Variants in LDB3 observed in about 807,000 individuals in gnomAD.
The protein encoded by LDB3 is LIM domain-binding protein 3.
LDB3 carries 49 observed loss-of-function variants against 69.0 expected under a neutral mutation model. The ratio of observed to expected loss-of-function variants is 0.71; its 90% CI spans 0.56 to 0.90. The LOEUF is 0.90. Ranked by LOEUF, LDB3 falls within the 40% of genes least tolerant of loss-of-function variation. The pLI is 0.00. For missense variants in LDB3, 928 were observed against 974.1 expected (o/e 0.95, Z 0.63); for synonymous variants, 387 against 396.2 (o/e 0.98, Z 0.28).
chr10:86,675,720 T>C (rs1057258647), intron 2 of LDB3, among the ~76,000 whole-genome samples: 3 of 152,204 alleles, frequency 2.0e-5, no homozygotes, highest in Non-Finnish European at 2.9e-5. Flanking sequence ...TTGATGGATG[T>C]GGAGGGATGG....
At chr10:86,692,133 C>G (rs1836684207) in intron 6 of LDB3, 68 bp downstream of exon 6, 16 of 1,569,606 alleles carry the variant, frequency 1.0e-5, no homozygotes, top group Non-Finnish European at 1.2e-5. Context: ...GACCTGGGCC[C>G]AGCACTGCAG....
At chr10:86,723,106 C>CA (rs898233429) in intron 12 of LDB3, among the ~76,000 whole-genome samples, 10 of 149,604 alleles carry the variant, frequency 6.7e-5, no homozygotes, top group African/African-American at 2.2e-4. Context: ...ATCTCTAAAA[C>CA]AAAAAAAAAT....
intron 5 of LDB3, among the ~76,000 whole-genome samples, chr10:86,686,797 A>C (rs1589633724): frequency 8.1e-6 from 1 of 122,792 alleles, no homozygotes; most frequent in African/African-American, 3.1e-5. Flanking sequence ...ACAAAGCGAG[A>C]CCCTGTATCA....
chr10:86,716,371 C>T lies in LDB3; in HGVS notation c.1276C>T (p.Pro426Ser), dbSNP rs1331329691. 6.2e-7 allele frequency: 1 copy of T among 1,610,380 alleles called. No homozygotes were observed. Among genetic ancestry groups the T allele is most frequent in the East Asian group, 2.2e-5 (1 of 44,818 alleles). Reference sequence around the variant, plus strand: ...CCCGTCCCCAGGGGCCAATTACAGTCCCACTCCCTACACCCCCTCCCCTGC... The same window carrying T: ...CCCGTCCCCAGGGGCCAATTACAGTTCCACTCCCTACACCCCCTCCCCTGC... Reference protein sequence around the residue: ...YSPSPGANYSPTPYTPSPAPA... With the variant: ...YSPSPGANYSSTPYTPSPAPA... The change falls in exon 10 of 14, where the codon CCC (proline) becomes TCC (serine). Residue 426 changes from proline to serine, a missense_variant. Transcript: ENST00000361373.
intron 5 of LDB3, among the ~76,000 whole-genome samples, chr10:86,691,604 A>G (rs1291792715): frequency 6.6e-6 from 1 of 152,046 alleles, no homozygotes; most frequent in Non-Finnish European, 1.5e-5. Context: ...AAGGGAATCT[A>G]GGGGTGGAAA....
chr10:86,718,771 C>T lies in LDB3; in HGVS notation c.1902C>T (p.Phe634=), dbSNP rs773904344. ...ALRQTWHTTC[F]VCAACKKPFG... ...GACAGACATGGCACACCACCTGCTT[C>T]GTCTGTGCGGCCTGCAAGAAGCCTT... Residue 634 remains phenylalanine (F), a synonymous_variant, in exon 12 of 14, where the codon TTC becomes TTT. Transcript: ENST00000361373. 52 of 1,614,062 alleles carry T rather than the reference C, an allele frequency of 3.2e-5. No individual in the cohort carries two copies. Among genetic ancestry groups the T allele is most frequent in the East Asian group, 8.9e-5 (4 of 44,886 alleles).
At chr10:86,694,232 C>T (rs527404542) in intron 7 of LDB3, among the ~76,000 whole-genome samples, 1 of 152,328 alleles carries the variant, frequency 6.6e-6, no homozygotes, top group South Asian at 2.1e-4. Context: ...GGTCCCCAGG[C>T]CTCATCCTTG....
intron 9 of LDB3, among the ~76,000 whole-genome samples, chr10:86,712,372 G>A (rs1846701871): frequency 6.6e-6 from 1 of 152,210 alleles, no homozygotes; most frequent in African/African-American, 2.4e-5. Flanking sequence ...AGTATTGCTG[G>A]AGGGAGGCAG....
chr10:86,713,326 A>C (rs1255987258), intron 9 of LDB3, among the ~76,000 whole-genome samples: 2 of 152,006 alleles, frequency 1.3e-5, no homozygotes, highest in African/African-American at 4.8e-5. Flanking sequence ...GACTCACTGC[A>C]ACCTCCACCT....
chr10:86,700,796 C>T (rs1846231342), intron 7 of LDB3, among the ~76,000 whole-genome samples: 1 of 152,232 alleles, frequency 6.6e-6, no homozygotes, highest in Non-Finnish European at 1.5e-5. Context: ...GGCCTGACCA[C>T]TTAGAAAGTA....
rs189787445 is a variant in LDB3 at position 86,699,172 on chromosome 10, T to C, written c.896+6601T>C. The C allele has an allele frequency of 6.2e-5, 77 of 1,238,304 alleles. No homozygotes were observed. The East Asian group carries it at 1.3e-3, about 22-fold the overall frequency. 76.7% of individuals were successfully genotyped at this position (1,238,304 alleles called of 1,614,324 possible). A position where few individuals can be genotyped will look rare whatever the true frequency, so the allele number is the denominator to read the frequency against. On this transcript the variant is annotated intron_variant, in intron 7 of 13. Transcript: ENST00000361373. This position sits in a 1 kb window ranked among gnomAD's most constrained non-coding sequence, Gnocchi z 4.9. The stretch of plus-strand genomic sequence containing the variant: ...CTGCCCCACCTGTTAGACAGGGGAA[T>C]GGTGAACACATTCCCTAACCCCTTT...
At chr10:86,674,506 A>ATCTTGGCCT in intron 2 of LDB3, among the ~76,000 whole-genome samples, 1 of 152,118 alleles carries the variant, frequency 6.6e-6, no homozygotes, top group African/African-American at 2.4e-5. Context: ...TGGCCTCCAA[A>ATCTTGGCCT]CACCTGCAGC....
chr10:86,705,723 T>C (rs896536449), intron 7 of LDB3, among the ~76,000 whole-genome samples: 1 of 152,226 alleles, frequency 6.6e-6, no homozygotes, highest in Admixed American at 6.5e-5. Context: ...TTACAAGGTC[T>C]TTCAGATCTG....
chr10:86,720,484 T>C (rs1484105254), intron 12 of LDB3, among the ~76,000 whole-genome samples: 1 of 152,064 alleles, frequency 6.6e-6, no homozygotes, highest in African/African-American at 2.4e-5. Flanking sequence ...CTTGGGTTCT[T>C]GTACTAGTGA....
intron 13 of LDB3, among the ~76,000 whole-genome samples, chr10:86,727,789 C>G (rs1310177703): frequency 6.6e-6 from 1 of 151,730 alleles, no homozygotes; most frequent in Non-Finnish European, 1.5e-5. Context: ...TGTGTCTTCA[C>G]ATGACATTCT....
chr10:86,716,199 A>C, intron 9 of LDB3, 128 bp from the exon 10 acceptor site: 1 of 1,145,530 alleles, frequency 8.7e-7, no homozygotes. Context: ...CAAGTCTCCC[A>C]AAAAAACTGA....
At chr10:86,684,817 C>T (rs960931996) in intron 5 of LDB3, among the ~76,000 whole-genome samples, 6 of 152,348 alleles carry the variant, frequency 3.9e-5, no homozygotes, top group African/African-American at 1.2e-4. Flanking sequence ...CACAGGCCCC[C>T]GACAGGGCTG....
rs1447064285 is a variant in LDB3 at position 86,699,229 on chromosome 10, C to T, written c.896+6658C>T. On this transcript the variant is annotated intron_variant, in intron 7 of 13. Coordinates refer to ENST00000361373, the MANE Select transcript of LDB3 (RefSeq NM_007078.3). This position sits in a 1 kb window ranked among gnomAD's most constrained non-coding sequence, Gnocchi z 4.9. The stretch of plus-strand genomic sequence containing the variant: ...CCCTCTCTTCTCTCTCTTTCTGTCT[C>T]TGTCTCTGTTTCTCTCTCTCTCTCT... 1 of 1,564,754 alleles carries T rather than the reference C, an allele frequency of 6.4e-7. No homozygotes were observed. Among genetic ancestry groups the T allele is most frequent in the Non-Finnish European group, 8.6e-7 (1 of 1,160,922 alleles).
intron 12 of LDB3, among the ~76,000 whole-genome samples, chr10:86,724,861 A>G (rs1847204416): frequency 1.3e-5 from 2 of 152,124 alleles, no homozygotes; most frequent in Non-Finnish European, 2.9e-5. Context: ...GTTCGGTACA[A>G]TAATTATTCC....
Sources: allele counts gnomAD v4.1 joint callset (sites outside exome capture counted in the v4.1 genomes callset), GRCh38; gene constraint gnomAD v4.1.1; non-coding constraint Gnocchi (gnomAD v3.1); transcripts MANE v1.5; gene names NCBI Gene and HGNC (gene_info 2026-07-23, HGNC 2026-07-21).